ZNF710: variants seen among roughly 807,000 people sequenced by gnomAD.
ZNF710 encodes the protein zinc finger protein 710.
In ZNF710, 13 loss-of-function variants were observed where a neutral mutation model predicts 50.6. That is an observed-to-expected ratio of 0.26 (90% CI 0.17 to 0.41). The LOEUF is 0.41. Ranked by LOEUF, ZNF710 falls within the 10% of genes least tolerant of loss-of-function variation. ZNF710 has a pLI of 1.00. For missense variants in ZNF710, 721 were observed against 936.6 expected (o/e 0.77, Z 3.01); for synonymous variants, 383 against 397.0 (o/e 0.96, Z 0.42).
At chr15:90,031,649 A>C (rs1249350459) in intron 1 of ZNF710, among the ~76,000 whole-genome samples, 1 of 152,224 alleles carries the variant, frequency 6.6e-6, no homozygotes, top group East Asian at 1.9e-4. Context: ...CTTGTGAGCC[A>C]CTGGTCATAG....
At position 90,034,471 on chromosome 15, in the gene ZNF710, TGTG is replaced by T. The variant is rs1899051995; in HGVS notation, c.-28-32638_-28-32636del. Among the ~76,000 whole-genome samples, 1 of 146,530 alleles carries T rather than the reference TGTG, an allele frequency of 6.8e-6. No homozygotes were observed. Among genetic ancestry groups the T allele is most frequent in the Non-Finnish European group, 1.5e-5 (1 of 67,488 alleles). On this transcript the variant is annotated intron_variant, in intron 1 of 4. Coordinates refer to ENST00000268154, the MANE Select transcript of ZNF710 (RefSeq NM_198526.4). This position sits in a 1 kb window ranked among gnomAD's most constrained non-coding sequence, Gnocchi z 4.0. ...GTGTGTGTGTGTGTGTGTGTGTGTG[TGTG>T]TATTCTGTGCCTGTGGTGGTGGTGG...
intron 2 of ZNF710, among the ~76,000 whole-genome samples, chr15:90,069,725 A>G (rs1900310528): frequency 6.6e-6 from 1 of 152,240 alleles, no homozygotes; most frequent in African/African-American, 2.4e-5. Flanking sequence ...GAATATGGCT[A>G]AACTAGGCAC....
chr15:90,063,463 C>T (rs1221205105), intron 1 of ZNF710, among the ~76,000 whole-genome samples: 2 of 151,972 alleles, frequency 1.3e-5, no homozygotes, highest in Non-Finnish European at 2.9e-5. Context: ...TGGTGTTTGT[C>T]GTCAGTTGTT....
chr15:90,033,538 C>T (rs1007932164), intron 1 of ZNF710, among the ~76,000 whole-genome samples: 14 of 152,108 alleles, frequency 9.2e-5, no homozygotes, highest in African/African-American at 3.4e-4. Context: ...CTGCCTTGTC[C>T]CATATGTTCC....
chr15:90,008,642 G>A (rs928312813), intron 1 of ZNF710, among the ~76,000 whole-genome samples: 2 of 150,554 alleles, frequency 1.3e-5, no homozygotes, highest in Admixed American at 1.3e-4. Context: ...TAAATCAGTC[G>A]GTGGCACGTG....
intron 3 of ZNF710, 109 bp from the exon 4 acceptor site, chr15:90,074,007 A>AAAC: frequency 1.6e-6 from 2 of 1,245,328 alleles, no homozygotes; most frequent in South Asian, 1.6e-5. Flanking sequence ...AAACAAAAAA[A>AAAC]AAAAACAAAA....
At chr15:90,029,143 T>C (rs937672372) in intron 1 of ZNF710, among the ~76,000 whole-genome samples, 2 of 152,258 alleles carry the variant, frequency 1.3e-5, no homozygotes, top group Non-Finnish European at 1.5e-5. Context: ...CCTACTCCCA[T>C]GCCTGGCAAT....
At chr15:90,050,444 C>A (rs1899604050) in intron 1 of ZNF710, among the ~76,000 whole-genome samples, 1 of 152,350 alleles carries the variant, frequency 6.6e-6, no homozygotes, top group East Asian at 1.9e-4. Context: ...GCAGGCCCTC[C>A]TCTCTGGCTG....
In ZNF710 at chr15:90,079,648, C is replaced by T; in HGVS notation, c.1826-12C>T. The T allele has an allele frequency of 6.2e-7, 1 of 1,609,874 alleles. No individual in the cohort carries two copies. The highest frequency in any genetic ancestry group is 1.3e-5 in the African/African-American group (1 of 74,782). Reference sequence around the variant, plus strand: ...GATGGCAGCCAGGTCTGACTGTGCCCCTCTCTTACAGACCCCATGATGGAG... The same window carrying T: ...GATGGCAGCCAGGTCTGACTGTGCCTCTCTCTTACAGACCCCATGATGGAG... On this transcript the variant is annotated splice_polypyrimidine_tract_variant and intron_variant, in intron 4 of 4. Coordinates refer to ENST00000268154, the MANE Select transcript of ZNF710 (RefSeq NM_198526.4).
chr15:90,077,962 C>G (rs1900633348), intron 4 of ZNF710, among the ~76,000 whole-genome samples: 1 of 151,908 alleles, frequency 6.6e-6, no homozygotes, highest in Non-Finnish European at 1.5e-5. Flanking sequence ...AATCCCAGCA[C>G]TTTGAGAGGC....
intron 1 of ZNF710, among the ~76,000 whole-genome samples, chr15:90,065,638 C>T (rs528138114): frequency 2.0e-5 from 3 of 152,198 alleles, no homozygotes; most frequent in Admixed American, 6.5e-5. Context: ...GCTCCACAGA[C>T]GGCTCACGGA....
At chr15:90,066,073 T>C (rs1308214616) in intron 1 of ZNF710, among the ~76,000 whole-genome samples, 1 of 152,222 alleles carries the variant, frequency 6.6e-6, no homozygotes, top group African/African-American at 2.4e-5. Context: ...ATAAAAGTGA[T>C]ATTTTTATCA....
In ZNF710 at chr15:90,073,202, G is replaced by A; in HGVS notation, c.1590G>A (p.Gln530=). 2 of 1,614,222 alleles carry A rather than the reference G, an allele frequency of 1.2e-6. No individual in the cohort carries two copies. Among genetic ancestry groups the A allele is most frequent in the Non-Finnish European group, 8.5e-7 (1 of 1,180,042 alleles). ...QCHICFKTFV[Q]KQTLKTHMIV... is the part of the protein sequence containing the mutation. ...ACATCTGCTTCAAGACCTTTGTACA[G>A]AAGCAGACTCTCAAGACCCACATGA... The change falls in exon 3 of 5, where the codon CAG becomes CAA. Residue 530 remains glutamine, a synonymous_variant. Transcript: ENST00000268154.
At chr15:90,075,078 G>C in intron 4 of ZNF710, 1 of 159,950 alleles carries the variant, frequency 6.3e-6, no homozygotes, top group South Asian at 1.8e-4. Context: ...CCCTCCAGCA[G>C]TGGTCAGTAC....
rs933469387 is a variant in ZNF710 at position 90,067,070 on chromosome 15, A to G, written c.-28-40A>G. 5.2e-6 allele frequency: 8 copies of G among 1,527,864 alleles called. No homozygotes were observed. In the African/African-American group the frequency reaches 9.7e-5, roughly 19 times the overall value. 94.6% of individuals were successfully genotyped at this position (1,527,864 alleles called of 1,614,324 possible). ...TGTGTCTGTTGTCTGTCTGTGCAGG[A>G]GTGAGCCAGCAATATTAACCTTCCC... is the stretch of plus-strand genomic sequence containing the variant. On this transcript the variant is annotated intron_variant, in intron 1 of 4. Coordinates refer to ENST00000268154, the MANE Select transcript of ZNF710 (RefSeq NM_198526.4). The surrounding 1 kb of genome is among the most constrained non-coding windows in gnomAD (Gnocchi z 8.1).
chr15:90,038,897 T>G (rs1899213710), intron 1 of ZNF710, among the ~76,000 whole-genome samples: 2 of 152,342 alleles, frequency 1.3e-5, no homozygotes, highest in South Asian at 4.1e-4. Flanking sequence ...GGCTATCTCT[T>G]TGGCTGTCTG....
At chr15:90,043,106 C>T (rs1899349935) in intron 1 of ZNF710, among the ~76,000 whole-genome samples, 1 of 152,240 alleles carries the variant, frequency 6.6e-6, no homozygotes, top group African/African-American at 2.4e-5. Flanking sequence ...CCCTTCACCC[C>T]ACACCCCACC....
Position 90,067,643 on chromosome 15 carries a change from G to T in ZNF710, c.506G>T (p.Arg169Leu). The T allele has an allele frequency of 6.2e-7, 1 of 1,612,708 alleles. No homozygotes were observed. Among genetic ancestry groups the T allele is most frequent in the Non-Finnish European group, 8.5e-7 (1 of 1,179,480 alleles). The change falls in exon 2 of 5, where the codon CGG becomes CTG. Residue 169 changes from arginine (R) to leucine (L), a missense_variant. Arg to Leu is a moderately radical substitution (Grantham distance 102). This residue lies in a region of ZNF710 where 326 missense variants were observed against 347.1 expected (regional missense o/e 0.94). Transcript: ENST00000268154. The surrounding 1 kb of genome is among the most constrained non-coding windows in gnomAD (Gnocchi z 8.1). ...CTCAGCGCCTTCAGCCGCAAGCCCC[G>T]GACGCTCCGGCATCTGCCCCGAACC... ...IDLSAFSRKP[R>L]TLRHLPRTPR... is the part of the protein sequence containing the mutation.
chr15:90,000,028 C>T (rs551369836), upstream of ZNF710, among the ~76,000 whole-genome samples: 1 of 150,290 alleles, frequency 6.7e-6, no homozygotes. Flanking sequence ...AGTTTGCTCT[C>T]GGGGCCCACC....
Sources: allele counts gnomAD v4.1 joint callset (sites outside exome capture counted in the v4.1 genomes callset), GRCh38; gene constraint gnomAD v4.1.1; regional missense constraint gnomAD v4.1.1; non-coding constraint Gnocchi (gnomAD v3.1); transcripts MANE v1.5; gene names NCBI Gene and HGNC (gene_info 2026-07-23, HGNC 2026-07-21).